The following THAP12 variants were observed in gnomAD, a reference collection of about 807,000 sequenced individuals.
THAP12 encodes the protein 52 kDa repressor of the inhibitor of the protein kinase.
A neutral mutation model predicts 63.0 loss-of-function variants in THAP12; 20 were observed. That is an observed-to-expected ratio of 0.32 (90% CI 0.22 to 0.46). The LOEUF is 0.46. Ranked by LOEUF, THAP12 falls within the 20% of genes least tolerant of loss-of-function variation. The pLI, the probability that THAP12 is intolerant of heterozygous loss-of-function variation, is 1.00. For synonymous variants in THAP12, 264 were observed against 328.4 expected (o/e 0.80, Z 2.12); for missense variants, 568 against 908.2 (o/e 0.63, Z 4.81).
At chr11:76,358,492 T>A (rs1231041274) in intron 3 of THAP12, 2 of 152,224 alleles carry the variant, frequency 1.3e-5, no homozygotes, top group South Asian at 4.1e-4. Context: ...AATGAAAGCA[T>A]GTGATAAGTT....
At chr11:76,356,353 A>T (rs1402289634) in intron 3 of THAP12, 1 of 152,254 alleles carries the variant, frequency 6.6e-6, no homozygotes, top group Non-Finnish European at 1.5e-5. Flanking sequence ...TGATAACAAG[A>T]AACATCAGCA....
At chr11:76,362,058 A>G (rs112297236) in intron 2 of THAP12, among the ~76,000 whole-genome samples, 5 of 152,328 alleles carry the variant, frequency 3.3e-5, no homozygotes, top group African/African-American at 1.2e-4. Context: ...AGCTGGATGC[A>G]TACTTAGATG....
intron 3 of THAP12, chr11:76,359,246 C>A (rs980911346): frequency 8.5e-5 from 13 of 152,168 alleles, no homozygotes; most frequent in Non-Finnish European, 5.9e-5. Context: ...GTTTTCTGTA[C>A]TCCTAAAAGT....
chr11:76,364,789 A>G (rs1352832958), intron 2 of THAP12, among the ~76,000 whole-genome samples: 1 of 152,216 alleles, frequency 6.6e-6, no homozygotes, highest in Non-Finnish European at 1.5e-5. Context: ...GTTTACCATT[A>G]TATCTACCAC....
At chr11:76,367,568 GT>G (rs1469813217) in intron 1 of THAP12, among the ~76,000 whole-genome samples, 1 of 151,932 alleles carries the variant, frequency 6.6e-6, no homozygotes, top group Non-Finnish European at 1.5e-5. Context: ...GATTATAGGC[GT>G]GCACCACGAC....
intron 1 of THAP12, among the ~76,000 whole-genome samples, chr11:76,377,657 G>A (rs1055609790): frequency 6.6e-6 from 1 of 152,150 alleles, no homozygotes; most frequent in African/African-American, 2.4e-5. Context: ...GATAAACGTG[G>A]CTTGTTTCTA....
intron 3 of THAP12, chr11:76,356,648 A>G (rs1946563151): frequency 6.6e-6 from 1 of 152,236 alleles, no homozygotes; most frequent in Non-Finnish European, 1.5e-5. Context: ...TTCTTCCCCT[A>G]CATAACGTAG....
chr11:76,352,844 A>G (rs1349545618), intron 4 of THAP12, 50 bp from the exon 5 acceptor site: 1 of 1,489,690 alleles, frequency 6.7e-7, no homozygotes, highest in Non-Finnish European at 8.9e-7. Flanking sequence ...AAAACCATAC[A>G]CAACAAAAAA....
At chr11:76,375,693 T>C (rs1247265546) in intron 1 of THAP12, among the ~76,000 whole-genome samples, 1 of 133,894 alleles carries the variant, frequency 7.5e-6, no homozygotes, top group East Asian at 2.2e-4. Context: ...AAGACTAGAC[T>C]GGCAATGTCA....
intron 1 of THAP12, among the ~76,000 whole-genome samples, chr11:76,376,841 T>C (rs887831366): frequency 6.6e-6 from 1 of 152,140 alleles, no homozygotes; most frequent in Non-Finnish European, 1.5e-5. Flanking sequence ...TACATATTAA[T>C]ACAAATGACC....
intron 1 of THAP12, chr11:76,368,526 G>C (rs956489843): frequency 2.0e-5 from 3 of 152,168 alleles, no homozygotes; most frequent in African/African-American, 7.2e-5. Flanking sequence ...AGAGGAAAAA[G>C]GAGGTTGAAA....
At chr11:76,366,052 A>C in intron 1 of THAP12, 80 bp from the exon 2 acceptor site, 1 of 1,458,828 alleles carries the variant, frequency 6.9e-7, no homozygotes, top group Non-Finnish European at 9.3e-7. Flanking sequence ...GCAAACATAC[A>C]TTAATAACAA....
chr11:76,351,019 T>G lies in THAP12; in HGVS notation c.2131A>C (p.Thr711Pro). Reference protein sequence around the residue: ...RKRLKAYLRNTLTDQRSSNLA... With the variant: ...RKRLKAYLRNPLTDQRSSNLA... ...TTACTTGACCTTTGGTCTGTCAAAG[T>G]GTTCCTCAAATATGCTTTAAGACGC... Residue 711 changes from threonine (T) to proline (P), a missense_variant, in exon 5 of 5, where the codon ACT (threonine) becomes CCT (proline). Coordinates refer to ENST00000260045, the MANE Select transcript of THAP12 (RefSeq NM_004705.4). 1 of 1,612,026 alleles carries G rather than the reference T, an allele frequency of 6.2e-7. No homozygotes were observed. The highest frequency in any genetic ancestry group is 2.2e-5 in the East Asian group (1 of 44,894).
intron 1 of THAP12, among the ~76,000 whole-genome samples, chr11:76,369,479 G>C (rs1946655447): frequency 6.6e-6 from 1 of 152,248 alleles, no homozygotes; most frequent in South Asian, 2.1e-4. Context: ...TAACACAGCA[G>C]ACCTCAGGCT....
chr11:76,355,591 A>T, intron 4 of THAP12, 27 bp downstream of exon 4: 4 of 1,581,550 alleles, frequency 2.5e-6, no homozygotes, highest in South Asian at 2.4e-5. Flanking sequence ...GGCATTCAGA[A>T]GTTGAGTCAT....
Position 76,376,349 on chromosome 11 carries a change from C to T in THAP12, c.89+4399G>A, listed in dbSNP as rs1047864615. 2.0e-5 allele frequency among the ~76,000 whole-genome samples: 3 copies of T among 152,182 alleles called. No homozygotes were observed. The South Asian group carries it at 6.2e-4, about 31-fold the overall frequency. ...TTGGTCTTGAAGCATTCAAAGGAGT[C>T]TAACGTTGAAAAGGGCAGAGACTTC... On this transcript the variant is annotated intron_variant, in intron 1 of 4. Transcript: ENST00000260045.
At chr11:76,356,461 C>T (rs1484266089) in intron 3 of THAP12, 6 of 152,328 alleles carry the variant, frequency 3.9e-5, no homozygotes, top group African/African-American at 1.4e-4. Flanking sequence ...ATATGTGAGG[C>T]TCTCTGAGGG....
chr11:76,355,857 A>G (rs1329486746), intron 3 of THAP12: 2 of 408,568 alleles, frequency 4.9e-6, no homozygotes, highest in East Asian at 3.6e-5. Flanking sequence ...CTCCAAGGTT[A>G]TAACAAAGTC....
chr11:76,368,300 T>C (rs61463489), intron 1 of THAP12, among the ~76,000 whole-genome samples: 1 of 152,314 alleles, frequency 6.6e-6, no homozygotes, highest in African/African-American at 2.4e-5. Context: ...CTAATAATCT[T>C]TTTAAAGCAA....
Sources: gnomAD v4.1 joint callset for allele counts (sites outside exome capture counted in the v4.1 genomes callset) on GRCh38, gnomAD v4.1.1 for gene constraint, MANE v1.5 for transcripts, NCBI Gene and HGNC (gene_info 2026-07-23, HGNC 2026-07-21) for gene names.